Variants in UNC79 observed in about 807,000 individuals in gnomAD.
UNC79 encodes the protein protein unc-79 homolog.
Under a neutral mutation model 283.1 loss-of-function variants are expected in UNC79, and 37 were observed. The observed-to-expected ratio is 0.13, with a 90% confidence interval of 0.10 to 0.17. The LOEUF (loss-of-function observed/expected upper bound fraction) is 0.17. Ranked by LOEUF, UNC79 falls within the 10% of genes least tolerant of loss-of-function variation. The pLI is 1.00. For missense variants in UNC79, 2,272 were observed against 3,211.1 expected (o/e 0.71, Z 7.07); for synonymous variants, 1,107 against 1,200.2 (o/e 0.92, Z 1.61).
At chr14:93,640,706 C>T (rs912510318) in intron 32 of UNC79, among the ~76,000 whole-genome samples, 4 of 152,204 alleles carry the variant, frequency 2.6e-5, no homozygotes, top group African/African-American at 7.2e-5. Context: ...TGGGATCTTA[C>T]CACCTTCCCA....
intron 40 of UNC79, among the ~76,000 whole-genome samples, chr14:93,668,770 G>A (rs2072491758): frequency 6.6e-6 from 1 of 151,486 alleles, no homozygotes; most frequent in Non-Finnish European, 1.5e-5. Context: ...CTTAGCCCCA[G>A]GAGGTAGAGG....
At chr14:93,441,768 A>G (rs1304960235) in intron 1 of UNC79, among the ~76,000 whole-genome samples, 4 of 152,084 alleles carry the variant, frequency 2.6e-5, no homozygotes, top group Non-Finnish European at 5.9e-5. Context: ...TGATAATTGT[A>G]TTTTAGCTGC....
At chr14:93,626,915 GGCACACA>G in intron 30 of UNC79, among the ~76,000 whole-genome samples, 1 of 152,086 alleles carries the variant, frequency 6.6e-6, no homozygotes, top group South Asian at 2.1e-4. Flanking sequence ...TGGGCATGGT[GGCACACA>G]CCTGTAGTCC....
intron 42 of UNC79, among the ~76,000 whole-genome samples, chr14:93,683,857 A>ACAC (rs1555403579): frequency 1.3e-5 from 2 of 151,818 alleles, no homozygotes; most frequent in African/African-American, 4.8e-5. Flanking sequence ...AAAAAAAAAA[A>ACAC]ACACACACTT....
At chr14:93,640,270 G>A (rs918824488) in intron 32 of UNC79, among the ~76,000 whole-genome samples, 4 of 152,154 alleles carry the variant, frequency 2.6e-5, no homozygotes, top group Admixed American at 6.6e-5. Context: ...ATTGGCTGAC[G>A]TGGAATGAGT....
intron 31 of UNC79, among the ~76,000 whole-genome samples, chr14:93,631,796 A>T (rs192206771): frequency 6.6e-6 from 1 of 152,346 alleles, no homozygotes; most frequent in East Asian, 1.9e-4. Flanking sequence ...TCATTCATTC[A>T]GCAACTATTT....
chr14:93,695,898 A>AAAAAAAAAAAAAAAAAAG (rs1276368949), intron 47 of UNC79, among the ~76,000 whole-genome samples: 1 of 147,848 alleles, frequency 6.8e-6, no homozygotes, highest in Non-Finnish European at 1.5e-5. Context: ...CTCAAAAAAA[A>AAAAAAAAAAAAAAAAAAG]AAAAAAAAAA....
chr14:93,619,930 C>T (rs188910843), intron 29 of UNC79, among the ~76,000 whole-genome samples: 6 of 152,316 alleles, frequency 3.9e-5, no homozygotes, highest in East Asian at 3.9e-4. Context: ...CCACTTTGTA[C>T]GTGGCTTTGG....
intron 41 of UNC79, among the ~76,000 whole-genome samples, chr14:93,677,041 C>T (rs1017629659): frequency 1.3e-5 from 2 of 151,968 alleles, no homozygotes; most frequent in African/African-American, 2.4e-5. Context: ...TCTTCTCCAA[C>T]AAAAAATGTT....
At chr14:93,361,127 T>A (rs2054211858) in intron 1 of UNC79, among the ~76,000 whole-genome samples, 1 of 137,220 alleles carries the variant, frequency 7.3e-6, no homozygotes, top group Admixed American at 8.5e-5. Context: ...GTTAGGAGAA[T>A]CACGTGAACC....
intron 1 of UNC79, among the ~76,000 whole-genome samples, chr14:93,402,401 A>G (rs1485642779): frequency 1.3e-5 from 2 of 151,646 alleles, no homozygotes; most frequent in Non-Finnish European, 2.9e-5. Context: ...CTAAAACTAA[A>G]GTATATTTGG....
Position 93,578,961 on chromosome 14 carries a change from CTTT to C in UNC79, c.2433+904_2433+906del, listed in dbSNP as rs1372735005. ...CAGTCTTTATCTTTCATGTCCTTGA[CTTT>C]TTTTTAAAATTATTTTTAATTTTTG... On this transcript the variant is annotated intron_variant, in intron 18 of 48. Transcript: ENST00000555664. 2.6e-5 allele frequency among the ~76,000 whole-genome samples: 4 copies of C among 152,014 alleles called. No homozygotes were observed. In the East Asian group the frequency reaches 7.7e-4, roughly 29 times the overall value.
chr14:93,374,008 C>T (rs2054506882), intron 1 of UNC79, among the ~76,000 whole-genome samples: 1 of 152,116 alleles, frequency 6.6e-6, no homozygotes, highest in Non-Finnish European at 1.5e-5. Context: ...GCTTGGCAAC[C>T]TCCACCCAGA....
At position 93,348,021 on chromosome 14, in the gene UNC79, C is replaced by T. The variant is rs918785256; in HGVS notation, c.-351+14498C>T. On this transcript the variant is annotated intron_variant, in intron 1 of 49. Coordinates refer to the UNC79 transcript ENST00000256339. ...TACTCAGCAGCGCGTGTCATCTTCT[C>T]TTCCAGGAAATGGCTGTTGGACTTG... The T allele has an allele frequency of 2.5e-6, 4 of 1,590,994 alleles. No homozygotes were observed. In the African/African-American group the frequency reaches 4.0e-5, roughly 16 times the overall value.
At chr14:93,461,075 A>G (rs1008282584) in intron 1 of UNC79, among the ~76,000 whole-genome samples, 1 of 152,228 alleles carries the variant, frequency 6.6e-6, no homozygotes, top group African/African-American at 2.4e-5. Context: ...GTTTAATCCT[A>G]TTCTGGTAAA....
intron 14 of UNC79, among the ~76,000 whole-genome samples, chr14:93,563,371 G>GT (rs1229778926): frequency 1.3e-5 from 2 of 152,176 alleles, no homozygotes. Flanking sequence ...CTTGAGAAGA[G>GT]TTTTTATTAA....
intron 1 of UNC79, among the ~76,000 whole-genome samples, chr14:93,461,431 C>T (rs1040096638): frequency 3.3e-5 from 5 of 152,062 alleles, no homozygotes; most frequent in African/African-American, 9.7e-5. Flanking sequence ...TCCCAAGAAA[C>T]GGTGAGGATA....
chr14:93,392,252 A>G (rs1438757011), intron 1 of UNC79, among the ~76,000 whole-genome samples: 1 of 152,244 alleles, frequency 6.6e-6, no homozygotes, highest in Non-Finnish European at 1.5e-5. Context: ...AATGAAATGT[A>G]ACAAATGACA....
At chr14:93,619,665 A>G (rs1214256366) in intron 29 of UNC79, among the ~76,000 whole-genome samples, 1 of 152,192 alleles carries the variant, frequency 6.6e-6, no homozygotes, top group Non-Finnish European at 1.5e-5. Context: ...TATTTCATCT[A>G]AAATTTACTA....
Sources: allele counts gnomAD v4.1 joint callset (sites outside exome capture counted in the v4.1 genomes callset), GRCh38; gene constraint gnomAD v4.1.1; transcripts MANE v1.5; gene names NCBI Gene and HGNC (gene_info 2026-07-23, HGNC 2026-07-21).